SLC7A5: variants seen among roughly 807,000 people sequenced by gnomAD.
SLC7A5 encodes the protein large neutral amino acids transporter small subunit 1.
SLC7A5 carries 23 observed loss-of-function variants against 50.2 expected under a neutral mutation model. The observed-to-expected ratio is 0.46, with a 90% CI of 0.33 to 0.65. The LOEUF (loss-of-function observed/expected upper bound fraction) is 0.65, where lower values mean the gene tolerates loss of function less well. Among genes scored for constraint, SLC7A5 ranks in the 30% least tolerant of loss-of-function variants. SLC7A5 has a pLI of 0.02. For synonymous variants in SLC7A5, 393 were observed against 330.6 expected, an observed-to-expected ratio of 1.19 and a Z score of -2.05; for missense variants, 578 against 684.4, an observed-to-expected ratio of 0.84 and a Z score of 1.73.
intron 5 of SLC7A5, 80 bp downstream of exon 5, chr16:87,839,622 G>T (rs1421381147): frequency 5.0e-6 from 8 of 1,598,182 alleles, no homozygotes; most frequent in Non-Finnish European, 6.8e-6. Context: ...TAGAGATGTG[G>T]GGCACCACTC....
intron 1 of SLC7A5, 147 bp from the exon 2 acceptor site, chr16:87,851,996 C>CCTT (rs1271097104): frequency 1.2e-5 from 11 of 892,514 alleles, no homozygotes; most frequent in Non-Finnish European, 1.9e-5. Flanking sequence ...CCCTGCCAGC[C>CCTT]CTTAGGGCAC....
Position 87,852,636 on chromosome 16 carries a change from CTCTGTGTGTG to C in SLC7A5, c.539-797_539-788del, listed in dbSNP as rs1433665291. 2.4e-4 allele frequency among the ~76,000 whole-genome samples: 23 copies of C among 97,500 alleles called. 1 individual carries two copies. Among genetic ancestry groups the C allele is most frequent in the African/African-American group, 7.9e-4 (21 of 26,698 alleles). 64.0% of individuals were successfully genotyped at this position (97,500 alleles called of 152,430 possible). On this transcript the variant is annotated intron_variant, in intron 1 of 9. Transcript: ENST00000261622. The surrounding 1 kb of genome is among the most constrained non-coding windows in gnomAD (Gnocchi z 4.5). ...CCCTGTAAGGCACCCAGCTCTGAGCCTCTGTGTGTGTGTGTGTGTGTGTGTGTGTGTGTGT... is the reference window on the plus strand; with the variant it reads ...CCCTGTAAGGCACCCAGCTCTGAGCCTGTGTGTGTGTGTGTGTGTGTGTGT...
chr16:87,858,770 G>C (rs986320385), intron 1 of SLC7A5, among the ~76,000 whole-genome samples: 1 of 152,198 alleles, frequency 6.6e-6, no homozygotes, highest in African/African-American at 2.4e-5. Flanking sequence ...TCAACAGCAA[G>C]CGGAAGCAAA....
At chr16:87,858,704 CAA>C (rs1159202338) in intron 1 of SLC7A5, among the ~76,000 whole-genome samples, 1 of 152,188 alleles carries the variant, frequency 6.6e-6, no homozygotes, top group Non-Finnish European at 1.5e-5. Context: ...TCCCGGCTGT[CAA>C]AGAGAAGCAC....
At chr16:87,855,723 G>A (rs1168039698) in intron 1 of SLC7A5, among the ~76,000 whole-genome samples, 1 of 151,984 alleles carries the variant, frequency 6.6e-6, no homozygotes, top group Non-Finnish European at 1.5e-5. Flanking sequence ...TGTTGGAGGA[G>A]AGGGGTGGGG....
chr16:87,847,199 G>A (rs1279020232), intron 2 of SLC7A5, among the ~76,000 whole-genome samples: 1 of 152,206 alleles, frequency 6.6e-6, no homozygotes, highest in Non-Finnish European at 1.5e-5. Flanking sequence ...CTCAGTCCAC[G>A]AGGCGACCCC....
At chr16:87,849,453 T>C (rs2055192530) in intron 2 of SLC7A5, among the ~76,000 whole-genome samples, 1 of 152,220 alleles carries the variant, frequency 6.6e-6, no homozygotes, top group Non-Finnish European at 1.5e-5. Context: ...AAACCTATTA[T>C]GTATTCAAGT....
chr16:87,869,120 G>C lies in SLC7A5; in HGVS notation c.303C>G (p.Leu101=). Residue 101 remains leucine, a synonymous_variant, in exon 1 of 10, where the codon CTC becomes CTG. Coordinates refer to ENST00000261622, the MANE Select transcript of SLC7A5 (RefSeq NM_003486.7). ...ACGVFSIVGA[L]CYAELGTTIS... is the part of the protein sequence containing the mutation. ...TGGTGGTGCCGAGCTCCGCGTAGCA[G>C]AGCGCGCCCACGATGGAGAAGACGC... 1 of 1,611,866 alleles carries C rather than the reference G, an allele frequency of 6.2e-7. No homozygotes were observed. Among genetic ancestry groups the C allele is most frequent in the South Asian group, 1.1e-5 (1 of 91,012 alleles).
intron 1 of SLC7A5, among the ~76,000 whole-genome samples, chr16:87,866,797 G>T (rs1052485423): frequency 2.6e-5 from 4 of 152,078 alleles, no homozygotes; most frequent in African/African-American, 7.2e-5. Flanking sequence ...ATGAATTCAT[G>T]TATGACTGAT....
chr16:87,864,893 G>A (rs1643803855), intron 1 of SLC7A5, among the ~76,000 whole-genome samples: 1 of 152,206 alleles, frequency 6.6e-6, no homozygotes, highest in Non-Finnish European at 1.5e-5. Flanking sequence ...GGTAAACTAC[G>A]CTGCCTTTCT....
chr16:87,856,501 G>A (rs1443037971), intron 1 of SLC7A5, among the ~76,000 whole-genome samples: 5 of 152,266 alleles, frequency 3.3e-5, no homozygotes, highest in African/African-American at 4.8e-5. Context: ...GCCCGACACC[G>A]GGCACAGGTA....
Position 87,840,443 on chromosome 16 carries a change from C to A in SLC7A5, c.801G>T (p.Met267Ile). Residue 267 changes from methionine (M) to isoleucine (I), a missense_variant, in exon 4 of 10, where the codon ATG becomes ATT. This residue lies in a region of SLC7A5 where 465 missense variants were observed against 594.6 expected (regional missense o/e 0.78). Coordinates refer to ENST00000261622, the MANE Select transcript of SLC7A5 (RefSeq NM_003486.7). ...CTTGCACGTACCTGTAGGGGTTGAT[C>A]ATTTCCTCTGTGACGAAATTCAAGT... The part of the protein sequence containing the change: ...WNYLNFVTEE[M>I]INPYRNLPLA... 6.2e-7 allele frequency: 1 copy of A among 1,612,690 alleles called. No homozygotes were observed. The highest frequency in any genetic ancestry group is 8.5e-7 in the Non-Finnish European group (1 of 1,178,686).
intron 2 of SLC7A5, among the ~76,000 whole-genome samples, chr16:87,849,104 C>G (rs1053347682): frequency 6.6e-6 from 1 of 152,230 alleles, no homozygotes. Context: ...TTCTCCAGAC[C>G]CGGAAAGGGC....
intron 1 of SLC7A5, among the ~76,000 whole-genome samples, chr16:87,866,687 G>A (rs1167620703): frequency 6.6e-5 from 10 of 152,132 alleles, no homozygotes; most frequent in Non-Finnish European, 8.8e-5. Context: ...GGCTGGTCTC[G>A]AACTCCTGAC....
Position 87,851,749 on chromosome 16 carries a change from C to A in SLC7A5, c.639G>T (p.Leu213=). Reference sequence around the variant, plus strand: ...CCTTCCCGATCTGGACGAAGCCCAGCAGGATGATCAGGGCCAGGGCCAGGA... The same window carrying A: ...CCTTCCCGATCTGGACGAAGCCCAGAAGGATGATCAGGGCCAGGGCCAGGA... The part of the protein sequence containing the change: ...AKLLALALII[L]LGFVQIGKGD... The change falls in exon 2 of 10, where the codon CTG becomes CTT. Residue 213 remains leucine (L), a synonymous_variant. Coordinates refer to ENST00000261622, the MANE Select transcript of SLC7A5 (RefSeq NM_003486.7). 6.2e-7 allele frequency: 1 copy of A among 1,613,164 alleles called. No individual in the cohort carries two copies. Among genetic ancestry groups the A allele is most frequent in the East Asian group, 2.2e-5 (1 of 44,888 alleles).
At position 87,862,891 on chromosome 16, in the gene SLC7A5, A is replaced by G. The variant is rs2055416501; in HGVS notation, c.538+5994T>C. On this transcript the variant is annotated intron_variant, in intron 1 of 9. Coordinates refer to ENST00000261622, the MANE Select transcript of SLC7A5 (RefSeq NM_003486.7). This position sits in a 1 kb window ranked among gnomAD's most constrained non-coding sequence, Gnocchi z 5.3. Reference sequence around the variant, plus strand: ...CCACACCAATCTGCTGAGGAGTGACAGCCATGGGGAGGAGAGCCACCTCAC... The same window carrying G: ...CCACACCAATCTGCTGAGGAGTGACGGCCATGGGGAGGAGAGCCACCTCAC... Among the ~76,000 whole-genome samples, 1 of 152,190 alleles carries G rather than the reference A, an allele frequency of 6.6e-6. No individual in the cohort carries two copies. The highest frequency in any genetic ancestry group is 2.4e-5 in the African/African-American group (1 of 41,444).
intron 2 of SLC7A5, among the ~76,000 whole-genome samples, chr16:87,843,347 C>CT (rs60307560): frequency 0.01 from 634 of 63,320 alleles, 89 homozygotes; most frequent in Non-Finnish European, 0.014. Flanking sequence ...GCCTGAGTAA[C>CT]TTTTTTTTTT....
At chr16:87,868,595 G>A (rs1295224416) in intron 1 of SLC7A5, among the ~76,000 whole-genome samples, 1 of 152,240 alleles carries the variant, frequency 6.6e-6, no homozygotes, top group African/African-American at 2.4e-5. Flanking sequence ...ACGGGAGGGT[G>A]GCACTTGCCT....
intron 1 of SLC7A5, among the ~76,000 whole-genome samples, chr16:87,855,454 C>A (rs1012124238): frequency 6.6e-6 from 1 of 152,242 alleles, no homozygotes; most frequent in South Asian, 2.1e-4. Context: ...CAATCACACA[C>A]GTGCACACAC....
Sources: allele counts gnomAD v4.1 joint callset (sites outside exome capture counted in the v4.1 genomes callset), GRCh38; gene constraint gnomAD v4.1.1; regional missense constraint gnomAD v4.1.1; non-coding constraint Gnocchi (gnomAD v3.1); transcripts MANE v1.5; gene names NCBI Gene and HGNC (gene_info 2026-07-23, HGNC 2026-07-21).